ADTRP: variants seen among roughly 807,000 people sequenced by gnomAD.
ADTRP encodes the protein androgen dependent TFPI regulating protein.
Under a neutral mutation model 27.0 loss-of-function variants are expected in ADTRP, and 20 were observed. The ratio of observed to expected loss-of-function variants is 0.74; its 90% confidence interval spans 0.52 to 1.08. ADTRP has a LOEUF of 1.08. Ranked by LOEUF, ADTRP falls within the 50% of genes least tolerant of loss-of-function variation. ADTRP has a pLI of 0.00. For missense variants in ADTRP, 251 were observed against 275.0 expected (o/e 0.91, Z 0.62); for synonymous variants, 101 against 105.2 (o/e 0.96, Z 0.25).
At chr6:11,773,922 C>T (rs763968020) in intron 1 of ADTRP, among the ~76,000 whole-genome samples, 1 of 152,196 alleles carries the variant, frequency 6.6e-6, no homozygotes, top group Non-Finnish European at 1.5e-5. Context: ...GTGACTATCA[C>T]ATAGTTCTCT....
At chr6:11,777,325 C>T (rs773024466) in intron 1 of ADTRP, among the ~76,000 whole-genome samples, 4 of 151,908 alleles carry the variant, frequency 2.6e-5, no homozygotes, top group Non-Finnish European at 5.9e-5. Context: ...TTCTTAGCCA[C>T]ACATAGTGTG....
chr6:11,728,128 C>T (rs748256235), intron 4 of ADTRP, among the ~76,000 whole-genome samples: 4 of 152,180 alleles, frequency 2.6e-5, no homozygotes, highest in Admixed American at 6.5e-5. Context: ...GTTTCTTCAG[C>T]GCACACATTT....
intron 2 of ADTRP, 77 bp from the exon 3 acceptor site, chr6:11,766,452 C>G (rs933311398): frequency 1.8e-6 from 2 of 1,087,388 alleles, no homozygotes; most frequent in Non-Finnish European, 2.7e-6. Flanking sequence ...CAAGGAAACA[C>G]AGCTAAATAA....
At chr6:11,724,389 G>C (rs1455063113) in intron 4 of ADTRP, among the ~76,000 whole-genome samples, 1 of 152,170 alleles carries the variant, frequency 6.6e-6, no homozygotes, top group Non-Finnish European at 1.5e-5. Flanking sequence ...GCCATAAATA[G>C]AGTGTTAGGC....
intron 1 of ADTRP, among the ~76,000 whole-genome samples, chr6:11,771,414 C>T (rs772396027): frequency 1.3e-5 from 2 of 152,174 alleles, no homozygotes; most frequent in Non-Finnish European, 2.9e-5. Flanking sequence ...AGAGCTGGGG[C>T]GTGAAGGGGC....
At position 11,729,272 on chromosome 6, in the gene ADTRP, G is replaced by GATT. The variant is rs541700924; in HGVS notation, c.507-5773_507-5772insAAT. 4.5e-4 allele frequency among the ~76,000 whole-genome samples: 68 copies of GATT among 152,258 alleles called. No individual in the cohort carries two copies. The South Asian group carries it at 0.013, about 30-fold the overall frequency. ...AGAGTCAGGAGAAACTGCAAGGCTA[G>GATT]AGTGTTAGTCAAATAGTTTACCTAG... On this transcript the variant is annotated intron_variant, in intron 4 of 5. Transcript: ENST00000414691.
chr6:11,753,443 G>A (rs1428688005), intron 3 of ADTRP, among the ~76,000 whole-genome samples: 1 of 152,082 alleles, frequency 6.6e-6, no homozygotes, highest in Admixed American at 6.6e-5. Context: ...CATTCTCATT[G>A]GACAGGCAAC....
In ADTRP at chr6:11,735,974, G is replaced by A. The variant is rs373430121; in HGVS notation, c.391-291C>T. ...TACTTTTTTTTGGCGGGGGTGGGGG[G>A]TGGAGATGCAGTCTTGCTCTGTCAC... On this transcript the variant is annotated intron_variant, in intron 3 of 5. Coordinates refer to ENST00000414691, the MANE Select transcript of ADTRP (RefSeq NM_032744.4). The A allele has an allele frequency of 1.9e-4, 53 of 277,878 alleles. No homozygotes were observed. In the East Asian group the frequency reaches 3.3e-3, roughly 17 times the overall value. 17.2% of individuals were successfully genotyped at this position (277,878 alleles called of 1,614,324 possible). A position where few individuals can be genotyped will look rare whatever the true frequency, so the allele number is the denominator to read the frequency against.
intron 4 of ADTRP, among the ~76,000 whole-genome samples, chr6:11,735,179 C>T (rs981940783): frequency 6.6e-6 from 1 of 152,192 alleles, no homozygotes; most frequent in Non-Finnish European, 1.5e-5. Context: ...ATGCTCTGCC[C>T]ACTAAATGAC....
intron 5 of ADTRP, chr6:11,717,457 C>A: frequency 3.9e-6 from 5 of 1,297,392 alleles, no homozygotes; most frequent in Non-Finnish European, 5.1e-6. Flanking sequence ...TCAACATCAC[C>A]ATAGATACCA....
intron 3 of ADTRP, 200 bp from the exon 4 acceptor site, chr6:11,735,883 C>G: frequency 1.9e-6 from 1 of 529,450 alleles, no homozygotes; most frequent in Middle Eastern, 5.0e-4. Context: ...GTCTGGCTAC[C>G]AAGGACTTTG....
chr6:11,770,192 C>T (rs45538938), intron 1 of ADTRP: 13 of 1,058,148 alleles, frequency 1.2e-5, no homozygotes, highest in African/African-American at 4.7e-5. Context: ...GGAGAATGAA[C>T]GACCACTTCA....
At chr6:11,768,138 G>A in intron 2 of ADTRP, 111 bp downstream of exon 2, 1 of 1,318,388 alleles carries the variant, frequency 7.6e-7, no homozygotes, top group Non-Finnish European at 1.1e-6. Context: ...TGTTGTAAAT[G>A]CAGTGGGTGT....
chr6:11,716,097 T>C (rs1761815836), intron 5 of ADTRP, among the ~76,000 whole-genome samples: 1 of 152,156 alleles, frequency 6.6e-6, no homozygotes, highest in Admixed American at 6.5e-5. Flanking sequence ...AATGAATTCT[T>C]TTTCAATTAA....
intron 3 of ADTRP, among the ~76,000 whole-genome samples, chr6:11,765,863 G>A (rs1763555619): frequency 2.6e-5 from 4 of 152,312 alleles, no homozygotes; most frequent in Non-Finnish European, 1.5e-5. Context: ...GTGACAAAGT[G>A]TGTTACTTAA....
intron 4 of ADTRP, among the ~76,000 whole-genome samples, chr6:11,725,918 A>C (rs1011420548): frequency 6.6e-6 from 1 of 151,230 alleles, no homozygotes; most frequent in African/African-American, 2.4e-5. Context: ...AAAAAAAAGG[A>C]ATTGAAAACA....
chr6:11,762,882 T>C (rs1763438270), intron 3 of ADTRP, among the ~76,000 whole-genome samples: 2 of 152,224 alleles, frequency 1.3e-5, no homozygotes, highest in Non-Finnish European at 2.9e-5. Flanking sequence ...TCTGATAATT[T>C]TCTCAGTTAC....
intron 3 of ADTRP, among the ~76,000 whole-genome samples, chr6:11,756,411 T>C (rs941443818): frequency 2.0e-5 from 3 of 152,158 alleles, no homozygotes; most frequent in African/African-American, 7.2e-5. Flanking sequence ...TGTGAAACAG[T>C]TGCTTTTGAG....
chr6:11,758,582 G>GGGC (rs1554114801), intron 3 of ADTRP, among the ~76,000 whole-genome samples: 3 of 117,516 alleles, frequency 2.6e-5, no homozygotes, highest in East Asian at 3.2e-4. Context: ...GGGTGGGGGG[G>GGGC]GGGGACGGAT....
Sources: gnomAD v4.1 joint callset for allele counts (sites outside exome capture counted in the v4.1 genomes callset) on GRCh38, gnomAD v4.1.1 for gene constraint, MANE v1.5 for transcripts, NCBI Gene and HGNC (gene_info 2026-07-23, HGNC 2026-07-21) for gene names.